The following SPTA1 variants were observed in gnomAD, a reference collection of about 807,000 sequenced individuals.
SPTA1 encodes spectrin alpha chain, erythrocytic 1.
In SPTA1, 177 loss-of-function variants were observed where a neutral mutation model predicts 324.7. The ratio of observed to expected loss-of-function variants is 0.55; its 90% CI spans 0.48 to 0.62. The LOEUF (loss-of-function observed/expected upper bound fraction) is 0.62, where lower values mean the gene tolerates loss of function less well. Ranked by LOEUF, SPTA1 falls within the 20% of genes least tolerant of loss-of-function variation. The pLI is 0.00. For synonymous variants in SPTA1, 1,195 were observed against 1,041.3 expected, an observed-to-expected ratio of 1.15 and a Z score of -2.84; for missense variants, 3,162 against 2,883.6, an observed-to-expected ratio of 1.10 and a Z score of -2.21.
At chr1:158,640,326 GT>G (rs1363454963) in intron 33 of SPTA1, among the ~76,000 whole-genome samples, 28 of 152,094 alleles carry the variant, frequency 1.8e-4, no homozygotes, top group African/African-American at 6.3e-4. Flanking sequence ...CTTTCTTAGT[GT>G]TCCAGGTACT....
At chr1:158,638,682 G>C (rs1651284481) in intron 35 of SPTA1, among the ~76,000 whole-genome samples, 1 of 149,418 alleles carries the variant, frequency 6.7e-6, no homozygotes, top group Non-Finnish European at 1.5e-5. Context: ...CGGGCATGCT[G>C]GCGTGTGCCT....
chr1:158,684,292 G>T (rs1176385746), intron 2 of SPTA1, among the ~76,000 whole-genome samples: 4 of 151,908 alleles, frequency 2.6e-5, no homozygotes, highest in African/African-American at 9.7e-5. Flanking sequence ...AGTTAACCAG[G>T]TTAACTAAAT....
In SPTA1 at chr1:158,619,912, C is replaced by T. The variant is rs547428623; in HGVS notation, c.6417+258G>A. On this transcript the variant is annotated intron_variant, in intron 44 of 51. Coordinates refer to ENST00000643759, the MANE Select transcript of SPTA1 (RefSeq NM_003126.4). Reference sequence around the variant, plus strand: ...AACTTTTCATAGCTCATCATTAGAACCATGTCTTGGGGCTTCTGTTTGCTT... The same window carrying T: ...AACTTTTCATAGCTCATCATTAGAATCATGTCTTGGGGCTTCTGTTTGCTT... Among the ~76,000 whole-genome samples, 6 of 152,200 alleles carry T rather than the reference C, an allele frequency of 3.9e-5. No homozygotes were observed. The East Asian group carries it at 1.2e-3, about 30-fold the overall frequency.
At position 158,659,864 on chromosome 1, in the gene SPTA1, C is replaced by A. The variant is rs1470685777; in HGVS notation, c.2587+1423G>T. On this transcript the variant is annotated intron_variant, in intron 18 of 51. Transcript: ENST00000643759. ...TGACCTCATGATCCACTCGCCTCGG[C>A]CTCCCAAAGTGCTGGGATTACAGGC... Among the ~76,000 whole-genome samples the A allele has an allele frequency of 6.5e-5, 4 of 61,586 alleles. 1 individual carries two copies. The highest frequency in any genetic ancestry group is 1.0e-4 in the Non-Finnish European group (4 of 38,158). 40.4% of individuals were successfully genotyped at this position (61,586 alleles called of 152,430 possible).
chr1:158,636,094 G>A, intron 37 of SPTA1, 60 bp from the exon 38 acceptor site: 1 of 1,613,782 alleles, frequency 6.2e-7, no homozygotes, highest in Admixed American at 1.7e-5. Context: ...TTTAGCCATA[G>A]TCCCTGAGCA....
chr1:158,681,770 G>T, intron 3 of SPTA1, 103 bp from the exon 4 acceptor site: 2 of 1,449,786 alleles, frequency 1.4e-6, no homozygotes, highest in Non-Finnish European at 9.6e-7. Flanking sequence ...TCTTCTCTCA[G>T]TTACTCATGC....
intron 17 of SPTA1, 41 bp downstream of exon 17, chr1:158,662,661 G>A (rs1653311363): frequency 1.2e-6 from 2 of 1,612,462 alleles, no homozygotes; most frequent in African/African-American, 1.3e-5. Flanking sequence ...TATAGACCTT[G>A]GTCCTTTCCT....
chr1:158,653,141 A>T, intron 22 of SPTA1, 133 bp downstream of exon 22: 1 of 1,394,606 alleles, frequency 7.2e-7, no homozygotes, highest in Non-Finnish European at 1.0e-6. Flanking sequence ...TTCTAGGTTT[A>T]CTTTCGATTC....
intron 5 of SPTA1, 30 bp downstream of exon 5, chr1:158,680,553 C>A: frequency 6.2e-7 from 1 of 1,613,328 alleles, no homozygotes; most frequent in Non-Finnish European, 8.5e-7. Context: ...GAACCCTTTG[C>A]ACGGAGTGAA....
At chr1:158,615,441 C>T (rs1649500000) in intron 47 of SPTA1, 38 bp from the exon 48 acceptor site, 4 of 1,605,894 alleles carry the variant, frequency 2.5e-6, no homozygotes, top group African/African-American at 2.7e-5. Flanking sequence ...ATTAGTTGCC[C>T]AGGTTACCAG....
At chr1:158,650,466 A>T (rs1341402668) in intron 24 of SPTA1, among the ~76,000 whole-genome samples, 2 of 152,214 alleles carry the variant, frequency 1.3e-5, no homozygotes, top group African/African-American at 4.8e-5. Flanking sequence ...AACTAGACTG[A>T]ACATTTATTA....
At chr1:158,612,616 T>G in intron 51 of SPTA1, 1 of 596,716 alleles carries the variant, frequency 1.7e-6, no homozygotes, top group Non-Finnish European at 3.0e-6. Flanking sequence ...ACTCTCACAT[T>G]CAATAGAGTA....
intron 11 of SPTA1, 142 bp downstream of exon 11, chr1:158,671,917 C>A: frequency 9.4e-7 from 1 of 1,060,674 alleles, no homozygotes. Flanking sequence ...CCCATCTTTT[C>A]TTTTTCTTGT....
At chr1:158,639,754 G>A (rs975462489) in intron 34 of SPTA1, 68 bp from the exon 35 acceptor site, 1 of 1,611,132 alleles carries the variant, frequency 6.2e-7, no homozygotes, top group East Asian at 2.2e-5. Flanking sequence ...AAGATCAGCA[G>A]CTATGTCCCC....
intron 11 of SPTA1, 90 bp from the exon 12 acceptor site, chr1:158,671,543 G>A: frequency 9.7e-7 from 1 of 1,027,534 alleles, no homozygotes; most frequent in South Asian, 1.3e-5. Flanking sequence ...ACTAAGGCAG[G>A]AGGGAACAAG....
rs1345384278 is a variant in SPTA1 at position 158,659,595 on chromosome 1, A to ATTATTT, written c.2587+1691_2587+1692insAAATAA. 1.5e-4 allele frequency among the ~76,000 whole-genome samples: 10 copies of ATTATTT among 68,716 alleles called. 2 individuals carry two copies. Among genetic ancestry groups the ATTATTT allele is most frequent in the Non-Finnish European group, 2.7e-4 (8 of 30,038 alleles). 45.1% of individuals were successfully genotyped at this position (68,716 alleles called of 152,430 possible). Reference sequence around the variant, plus strand: ...AAAAGAAAATAATAGTCTTAGCATTATTTTTTTTTTTTTTTTTTTTTTTTT... The same window carrying ATTATTT: ...AAAAGAAAATAATAGTCTTAGCATTATTATTTTTTTTTTTTTTTTTTTTTTTTTTTT... On this transcript the variant is annotated intron_variant, in intron 18 of 51. Transcript: ENST00000643759.
intron 43 of SPTA1, 126 bp downstream of exon 43, chr1:158,622,857 C>T (rs909751222): frequency 5.3e-6 from 5 of 941,374 alleles, no homozygotes; most frequent in Non-Finnish European, 6.8e-6. Context: ...AATGTCTTCC[C>T]AACATCTTTC....
rs202016242 is a variant in SPTA1, at chr1:158,651,455, T to C, written c.3389A>G (p.Asn1130Ser). The change falls in exon 24 of 52, where the codon AAT becomes AGT. Residue 1130 changes from asparagine to serine, a missense_variant. Coordinates refer to ENST00000643759, the MANE Select transcript of SPTA1 (RefSeq NM_003126.4). ...GTTGATATCCCTTAGCCGAGGCTCA[T>C]TGGTATTCAAATCCTGAATGGGAAA... ...FDEFQKDLNT[N>S]EPRLRDINKV... The C allele has an allele frequency of 9.2e-5, 149 of 1,612,738 alleles. No individual in the cohort carries two copies. In the African/African-American group the frequency reaches 1.9e-3, roughly 21 times the overall value.
At chr1:158,672,697 A>G (rs1032590044) in intron 10 of SPTA1, among the ~76,000 whole-genome samples, 7 of 152,214 alleles carry the variant, frequency 4.6e-5, no homozygotes, top group African/African-American at 1.4e-4. Flanking sequence ...TCAGGGAAAG[A>G]GAGAAGAGAC....
Sources: gnomAD v4.1 joint callset for allele counts (sites outside exome capture counted in the v4.1 genomes callset) on GRCh38, gnomAD v4.1.1 for gene constraint, MANE v1.5 for transcripts, NCBI Gene and HGNC (gene_info 2026-07-23, HGNC 2026-07-21) for gene names.